The following DLG1 variants were observed in gnomAD, a reference collection of about 807,000 sequenced individuals.
The protein encoded by DLG1 is discs large MAGUK scaffold protein 1.
Under a neutral mutation model 123.4 loss-of-function variants are expected in DLG1, and 42 were observed. That is an observed-to-expected ratio of 0.34 (90% CI 0.27 to 0.44). The LOEUF is 0.44. DLG1 is among the 20% of genes least tolerant of loss of function. The pLI is 1.00. For synonymous variants in DLG1, 317 were observed against 356.2 expected (o/e 0.89, Z 1.24); for missense variants, 942 against 1,082.6 (o/e 0.87, Z 1.82).
At chr3:197,164,929 G>GA (rs1553976183) in intron 5 of DLG1, among the ~76,000 whole-genome samples, 2 of 150,554 alleles carry the variant, frequency 1.3e-5, no homozygotes, top group Admixed American at 1.3e-4. Flanking sequence ...CTCAAAAAAA[G>GA]AAAGAAAGAA....
At chr3:197,217,008 A>T (rs1309143910) in intron 4 of DLG1, among the ~76,000 whole-genome samples, 1 of 152,238 alleles carries the variant, frequency 6.6e-6, no homozygotes, top group African/African-American at 2.4e-5. Flanking sequence ...ACAATATTCT[A>T]AATGAATTTT....
At chr3:197,112,827 C>T (rs1770863856) in intron 13 of DLG1, among the ~76,000 whole-genome samples, 1 of 152,140 alleles carries the variant, frequency 6.6e-6, no homozygotes, top group African/African-American at 2.4e-5. Flanking sequence ...AACGCCTGGC[C>T]TCAGGCGATC....
intron 11 of DLG1, among the ~76,000 whole-genome samples, chr3:197,119,951 A>T (rs1775382357): frequency 6.6e-6 from 1 of 152,208 alleles, no homozygotes. Flanking sequence ...GGTAAAAAGC[A>T]AAAACGAAAA....
chr3:197,069,072 G>T, intron 19 of DLG1, 147 bp downstream of exon 19: 1 of 462,602 alleles, frequency 2.2e-6, no homozygotes, highest in Non-Finnish European at 3.9e-6. Flanking sequence ...TATTTTTCAA[G>T]TACAGAATTT....
chr3:197,280,367 G>C (rs1381201570), intron 4 of DLG1, among the ~76,000 whole-genome samples: 7 of 143,946 alleles, frequency 4.9e-5, no homozygotes, highest in Admixed American at 4.2e-4. Flanking sequence ...GTGTGTGTGT[G>C]TATCACACTT....
At chr3:197,288,743 A>ACATACAAAC (rs1553827363) in intron 3 of DLG1, among the ~76,000 whole-genome samples, 1 of 72,078 alleles carries the variant, frequency 1.4e-5, no homozygotes, top group Non-Finnish European at 2.4e-5. Context: ...AAAAAAAAAA[A>ACATACAAAC]ATACATACAT....
intron 13 of DLG1, among the ~76,000 whole-genome samples, chr3:197,107,143 T>G (rs192760872): frequency 5.2e-4 from 79 of 152,352 alleles, no homozygotes; most frequent in Admixed American, 2.1e-3. Context: ...TAGCCATCTG[T>G]GCTTGGCTTC....
At chr3:197,291,506 TATAA>T (rs1234444003) in intron 3 of DLG1, among the ~76,000 whole-genome samples, 1 of 152,236 alleles carries the variant, frequency 6.6e-6, no homozygotes, top group Admixed American at 6.5e-5. Context: ...AATGCACCAT[TATAA>T]ATATTTTCCT....
intron 4 of DLG1, among the ~76,000 whole-genome samples, chr3:197,252,314 T>C (rs556144327): frequency 7.9e-4 from 121 of 152,270 alleles, no homozygotes; most frequent in Middle Eastern, 6.8e-3. Context: ...TTATTCACAA[T>C]AGCTAAAATA....
At chr3:197,167,405 G>A (rs1283928701) in intron 5 of DLG1, among the ~76,000 whole-genome samples, 1 of 152,168 alleles carries the variant, frequency 6.6e-6, no homozygotes, top group South Asian at 2.1e-4. Flanking sequence ...AAGCATTAAT[G>A]ACAGTGGAGA....
intron 4 of DLG1, among the ~76,000 whole-genome samples, chr3:197,265,570 C>T (rs180975979): frequency 1.4e-4 from 22 of 152,186 alleles, no homozygotes; most frequent in Admixed American, 1.3e-3. Context: ...GAGTTCCCCT[C>T]GAGTCTTCAG....
At chr3:197,169,421 A>G (rs1802989807) in intron 5 of DLG1, among the ~76,000 whole-genome samples, 1 of 152,164 alleles carries the variant, frequency 6.6e-6, no homozygotes, top group Non-Finnish European at 1.5e-5. Flanking sequence ...CAGTCAAATC[A>G]AGACACATTT....
At position 197,194,415 on chromosome 3, in the gene DLG1, A is replaced by T. The variant is rs1356410219; in HGVS notation, c.483+10T>A. 1 of 1,523,068 alleles carries T rather than the reference A, an allele frequency of 6.6e-7. No individual in the cohort carries two copies. Among genetic ancestry groups the T allele is most frequent in the East Asian group, 2.3e-5 (1 of 42,994 alleles). 94.3% of individuals were successfully genotyped at this position (1,523,068 alleles called of 1,614,324 possible). A position where few individuals can be genotyped will look rare whatever the true frequency, so the allele number is the denominator to read the frequency against. On this transcript the variant is annotated intron_variant, in intron 5 of 24. Coordinates refer to ENST00000667157, the MANE Select transcript of DLG1 (RefSeq NM_001366207.1). ...TAATTCATAACAATAATAAATAGAT[A>T]CTATCCTACCTTTATTGGTGAAATA...
intron 19 of DLG1, among the ~76,000 whole-genome samples, chr3:197,068,814 T>C (rs141485006): frequency 1.4e-4 from 21 of 152,260 alleles, no homozygotes; most frequent in South Asian, 6.2e-4. Context: ...CAGATCAGTA[T>C]TGGTGACAAA....
intron 23 of DLG1, among the ~76,000 whole-genome samples, chr3:197,055,338 T>C (rs949918836): frequency 1.3e-5 from 2 of 152,252 alleles, no homozygotes; most frequent in African/African-American, 2.4e-5. Context: ...CTTTCTCAAG[T>C]ATAGTCTTTC....
intron 11 of DLG1, among the ~76,000 whole-genome samples, chr3:197,126,467 T>TAAA (rs199610067): frequency 7.0e-6 from 1 of 142,364 alleles, no homozygotes; most frequent in African/African-American, 2.6e-5. Flanking sequence ...AACTCCATCT[T>TAAA]AAAAAAAAAA....
At chr3:197,269,579 G>A (rs767425224) in intron 4 of DLG1, among the ~76,000 whole-genome samples, 6 of 152,200 alleles carry the variant, frequency 3.9e-5, no homozygotes, top group Non-Finnish European at 8.8e-5. Context: ...GAAGCCTGAA[G>A]TTCTGAATTC....
chr3:197,282,535 C>T (rs1157542876), intron 4 of DLG1, 144 bp downstream of exon 4: 15 of 510,464 alleles, frequency 2.9e-5, no homozygotes, highest in Non-Finnish European at 4.0e-5. Flanking sequence ...TATTTTTAAC[C>T]CCATTCTCTT....
At chr3:197,151,712 T>G (rs1037202848) in intron 5 of DLG1, among the ~76,000 whole-genome samples, 1 of 152,204 alleles carries the variant, frequency 6.6e-6, no homozygotes, top group Admixed American at 6.5e-5. Flanking sequence ...ATAGCTAAAG[T>G]AGTTGTGAAA....
Sources: allele counts gnomAD v4.1 joint callset (sites outside exome capture counted in the v4.1 genomes callset), GRCh38; gene constraint gnomAD v4.1.1; transcripts MANE v1.5; gene names NCBI Gene and HGNC (gene_info 2026-07-23, HGNC 2026-07-21).